Variants in CFAP61 observed in about 807,000 individuals in gnomAD.
CFAP61 encodes cilia and flagella associated protein 61, also known as cilia- and flagella-associated protein 61.
In CFAP61, 107 loss-of-function variants were observed where a neutral mutation model predicts 135.6. The observed-to-expected ratio is 0.79, with a 90% CI of 0.67 to 0.93. The LOEUF (loss-of-function observed/expected upper bound fraction) is 0.93. CFAP61 is among the 40% of genes least tolerant of loss of function. The probability of loss-of-function intolerance (pLI) is 0.00; values close to 1 mark genes in which losing one functional copy is unlikely to be tolerated. For missense variants in CFAP61, 1,507 were observed against 1,556.2 expected, an observed-to-expected ratio of 0.97 and a Z score of 0.53; for synonymous variants, 575 against 578.5, an observed-to-expected ratio of 0.99 and a Z score of 0.09.
chr20:20,158,091 T>C (rs1341801579), intron 9 of CFAP61, among the ~76,000 whole-genome samples: 2 of 127,882 alleles, frequency 1.6e-5, no homozygotes, highest in African/African-American at 5.9e-5. Flanking sequence ...GGGACTGTGG[T>C]GGGGTGGGGG....
At chr20:20,210,492 A>G (rs552242528) in intron 17 of CFAP61, among the ~76,000 whole-genome samples, 1 of 152,326 alleles carries the variant, frequency 6.6e-6, no homozygotes, top group Admixed American at 6.5e-5. Flanking sequence ...GGGTCTGCCC[A>G]AAGGCCTGGT....
intron 8 of CFAP61, among the ~76,000 whole-genome samples, chr20:20,128,931 A>T (rs1600825772): frequency 6.6e-6 from 1 of 151,602 alleles, no homozygotes; most frequent in Non-Finnish European, 1.5e-5. Flanking sequence ...CAAGATTTTG[A>T]CTTTTGGTTA....
At chr20:20,194,008 T>C (rs770084159) in intron 15 of CFAP61, among the ~76,000 whole-genome samples, 10 of 152,260 alleles carry the variant, frequency 6.6e-5, no homozygotes, top group Non-Finnish European at 8.8e-5. Context: ...TGATCCTTTA[T>C]GAATAAATGT....
At chr20:20,059,144 C>A (rs1035136126) in intron 2 of CFAP61, among the ~76,000 whole-genome samples, 8 of 151,906 alleles carry the variant, frequency 5.3e-5, no homozygotes, top group African/African-American at 1.7e-4. Context: ...TCCTGGCCAA[C>A]AGGTGAAACC....
intron 9 of CFAP61, 34 bp downstream of exon 9, chr20:20,142,982 G>T (rs752138568): frequency 4.5e-6 from 6 of 1,334,398 alleles, no homozygotes; most frequent in African/African-American, 4.3e-5. Context: ...CCTAGGGTGG[G>T]GGGATGGGCC....
intron 22 of CFAP61, among the ~76,000 whole-genome samples, chr20:20,287,140 A>G (rs1293742185): frequency 6.6e-6 from 1 of 151,838 alleles, no homozygotes; most frequent in Non-Finnish European, 1.5e-5. Context: ...TCAGAGAGAG[A>G]CTCAGAGAAA....
chr20:20,292,992 C>T (rs1458920093), intron 24 of CFAP61, among the ~76,000 whole-genome samples: 1 of 152,092 alleles, frequency 6.6e-6, no homozygotes, highest in Admixed American at 6.5e-5. Flanking sequence ...GATAGGGACA[C>T]TGTCGTGGCC....
intron 13 of CFAP61, among the ~76,000 whole-genome samples, chr20:20,177,774 G>A (rs534881575): frequency 7.0e-6 from 1 of 142,316 alleles, no homozygotes; most frequent in South Asian, 2.4e-4. Flanking sequence ...TATAGCAGGT[G>A]TGGAGAGGGG....
chr20:20,160,226 C>G (rs2053282869), intron 10 of CFAP61, among the ~76,000 whole-genome samples: 1 of 152,156 alleles, frequency 6.6e-6, no homozygotes, highest in Non-Finnish European at 1.5e-5. Flanking sequence ...TTCCCAAGAG[C>G]CTCTTGGTGA....
chr20:20,163,559 G>C (rs1478949160), intron 10 of CFAP61, among the ~76,000 whole-genome samples: 1 of 151,548 alleles, frequency 6.6e-6, no homozygotes, highest in South Asian at 2.1e-4. Context: ...TATTTGTCTT[G>C]TGTGAGACCT....
At chr20:20,091,692 T>A (rs1284551683) in intron 7 of CFAP61, among the ~76,000 whole-genome samples, 2 of 152,222 alleles carry the variant, frequency 1.3e-5, no homozygotes, top group Middle Eastern at 3.4e-3. Context: ...TATTATTATT[T>A]TTTGAGATGG....
intron 25 of CFAP61, among the ~76,000 whole-genome samples, chr20:20,304,430 T>C (rs911016615): frequency 6.6e-5 from 10 of 151,978 alleles, no homozygotes; most frequent in Non-Finnish European, 1.2e-4. Flanking sequence ...GTCACACAAA[T>C]ATGTTACTAA....
Position 20,070,867 on chromosome 20 carries a change from C to T in CFAP61, c.157C>T (p.Leu53Phe). ...TCATTTCTGCAGAGAAAAGGCCAACCTTGCTGTTACCCTCTGCAATGACAA... is the reference window on the plus strand; with the variant it reads ...TCATTTCTGCAGAGAAAAGGCCAACTTTGCTGTTACCCTCTGCAATGACAA... The part of the protein sequence containing the change: ...NIIYLLEKAN[L>F]AVTLCNDKEE... Residue 53 changes from leucine (L) to phenylalanine (F), a missense_variant, in exon 3 of 27, where the codon CTT (leucine) becomes TTT (phenylalanine). By Grantham distance (22) the Leu-to-Phe change is conservative (BLOSUM62 0). Transcript: ENST00000245957. 6.2e-7 allele frequency: 1 copy of T among 1,612,908 alleles called. No homozygotes were observed. Among genetic ancestry groups the T allele is most frequent in the Non-Finnish European group, 8.5e-7 (1 of 1,179,540 alleles).
intron 13 of CFAP61, among the ~76,000 whole-genome samples, chr20:20,180,227 G>T (rs2054953128): frequency 6.6e-6 from 1 of 151,930 alleles, no homozygotes. Flanking sequence ...TACTGAGGAG[G>T]CTGAGGCAGG....
intron 8 of CFAP61, among the ~76,000 whole-genome samples, chr20:20,141,478 G>T (rs2051398066): frequency 6.6e-6 from 1 of 152,058 alleles, no homozygotes; most frequent in Admixed American, 6.6e-5. Context: ...TTCAGAAGAG[G>T]GATTCTAAGT....
At chr20:20,289,132 T>G (rs1183278737) in intron 23 of CFAP61, among the ~76,000 whole-genome samples, 196 bp downstream of exon 23, 1 of 152,170 alleles carries the variant, frequency 6.6e-6, no homozygotes, top group Non-Finnish European at 1.5e-5. Context: ...TTATTACGGT[T>G]CTTTGCATTT....
At chr20:20,108,145 C>T (rs1449197306) in intron 8 of CFAP61, among the ~76,000 whole-genome samples, 2 of 152,154 alleles carry the variant, frequency 1.3e-5, no homozygotes, top group African/African-American at 2.4e-5. Context: ...AAACACTTAG[C>T]TCTGGGCAAG....
At chr20:20,269,240 C>CATGTATGTATATATAT (rs1569220097) in intron 21 of CFAP61, among the ~76,000 whole-genome samples, 1,899 of 123,412 alleles carry the variant, frequency 0.015, 98 homozygotes, top group Non-Finnish European at 0.024. Context: ...TATATATATA[C>CATGTATGTATATATAT]ACGTATATGT....
intron 13 of CFAP61, chr20:20,184,683 GGAACTTCTGATGAGGTAA>G (rs1338707740): frequency 6.6e-6 from 1 of 152,240 alleles, no homozygotes; most frequent in East Asian, 1.9e-4. Context: ...TCCTCAGGTA[GGAACTTCTGATGAGGTAA>G]GAACTTCTGA....
Sources: gnomAD v4.1 joint callset for allele counts (sites outside exome capture counted in the v4.1 genomes callset) on GRCh38, gnomAD v4.1.1 for gene constraint, MANE v1.5 for transcripts, NCBI Gene and HGNC (gene_info 2026-07-23, HGNC 2026-07-21) for gene names.